The following C12orf42 variants were observed in gnomAD, a reference collection of about 807,000 sequenced individuals.
The protein encoded by C12orf42 is chromosome 12 open reading frame 42.
In C12orf42, 25 loss-of-function variants were observed where a neutral mutation model predicts 21.6. That is an observed-to-expected ratio of 1.16 (90% CI 0.84 to 1.62). The LOEUF (loss-of-function observed/expected upper bound fraction) is 1.62, where lower values mean the gene tolerates loss of function less well. Among genes scored for constraint, C12orf42 ranks in the 40% most tolerant of loss-of-function variants. C12orf42 has a pLI of 0.00. For synonymous variants in C12orf42, 174 were observed against 175.0 expected, an observed-to-expected ratio of 0.99 and a Z score of 0.05; for missense variants, 483 against 459.3, an observed-to-expected ratio of 1.05 and a Z score of -0.47.
intron 2 of C12orf42, among the ~76,000 whole-genome samples, chr12:103,403,756 C>T (rs1032799073): frequency 6.6e-6 from 1 of 152,246 alleles, no homozygotes; most frequent in Non-Finnish European, 1.5e-5. Flanking sequence ...TCTCCATGGA[C>T]TTCCTGCCAC....
intron 3 of C12orf42, among the ~76,000 whole-genome samples, chr12:103,379,265 G>A (rs914124751): frequency 1.3e-5 from 2 of 152,138 alleles, no homozygotes; most frequent in Non-Finnish European, 2.9e-5. Context: ...CTTTACAAGA[G>A]CATAAATAAA....
intron 4 of C12orf42, among the ~76,000 whole-genome samples, chr12:103,321,245 C>G (rs2040069253): frequency 6.6e-6 from 1 of 151,232 alleles, no homozygotes; most frequent in Non-Finnish European, 1.5e-5. Flanking sequence ...ATTTATGCAG[C>G]CAAAAAACAC....
chr12:103,167,057 T>C, the C12orf42 span, among the ~76,000 whole-genome samples: 1 of 152,192 alleles, frequency 6.6e-6, no homozygotes, highest in African/African-American at 2.4e-5. Context: ...CTCTTCTCAC[T>C]AGTGTGTATG....
At chr12:103,269,241 G>A (rs2035320541) in intron 6 of C12orf42, among the ~76,000 whole-genome samples, 1 of 152,062 alleles carries the variant, frequency 6.6e-6, no homozygotes, top group Non-Finnish European at 1.5e-5. Flanking sequence ...TTAAAAATTA[G>A]AGTTTAGAGG....
At chr12:103,140,430 C>T in the C12orf42 span, among the ~76,000 whole-genome samples, 1 of 152,116 alleles carries the variant, frequency 6.6e-6, no homozygotes, top group African/African-American at 2.4e-5. Flanking sequence ...CTTTGAATTC[C>T]TTTGTTGTGG....
chr12:103,097,381 T>C, the C12orf42 span, among the ~76,000 whole-genome samples: 2 of 152,252 alleles, frequency 1.3e-5, no homozygotes, highest in Non-Finnish European at 2.9e-5. Context: ...GCATTCTTTA[T>C]GTAGTGCATG....
At chr12:103,525,815 G>T in the C12orf42 span, among the ~76,000 whole-genome samples, 1 of 152,086 alleles carries the variant, frequency 6.6e-6, no homozygotes, top group Non-Finnish European at 1.5e-5. Context: ...GAATCACAAG[G>T]TCAGGAATTC....
chr12:103,100,983 G>A, the C12orf42 span, among the ~76,000 whole-genome samples: 1 of 152,210 alleles, frequency 6.6e-6, no homozygotes, highest in Non-Finnish European at 1.5e-5. Context: ...GGTGGAAAGA[G>A]TGAGAGACTT....
chr12:103,337,678 C>A lies in C12orf42; in HGVS notation c.259+31209G>T, dbSNP rs75820086. On this transcript the variant is annotated intron_variant, in intron 4 of 5. Transcript: ENST00000548883. ...AGGGGTTTTAATATTTGACATGGAC[C>A]ATATCCCTCTAGGTGGGTATCCTTT... Among the ~76,000 whole-genome samples the A allele has an allele frequency of 3.3e-3, 506 of 152,190 alleles. 3 individuals are homozygous for A. The highest frequency in any genetic ancestry group is 0.012 in the African/African-American group (479 of 41,518).
chr12:103,095,519 T>C, the C12orf42 span, among the ~76,000 whole-genome samples: 1 of 152,162 alleles, frequency 6.6e-6, no homozygotes. Context: ...GCCTACATGT[T>C]ACCTTTTCAA....
chr12:103,155,934 A>C, the C12orf42 span, among the ~76,000 whole-genome samples: 1 of 151,404 alleles, frequency 6.6e-6, no homozygotes, highest in South Asian at 2.1e-4. Context: ...ATTCTTCTAC[A>C]TCTTACATTT....
At chr12:103,157,013 TG>T in the C12orf42 span, among the ~76,000 whole-genome samples, 1 of 152,230 alleles carries the variant, frequency 6.6e-6, no homozygotes, top group Admixed American at 6.5e-5. Context: ...CTGGGTCAAA[TG>T]GTACTTCTGG....
At chr12:103,264,477 C>T (rs1180477092), downstream of C12orf42, among the ~76,000 whole-genome samples, 3 of 152,116 alleles carry the variant, frequency 2.0e-5, no homozygotes, top group Non-Finnish European at 2.9e-5. Flanking sequence ...TGGACCTTGG[C>T]ATCTGCAGTG....
At chr12:103,051,595 A>G in the C12orf42 span, among the ~76,000 whole-genome samples, 1 of 152,194 alleles carries the variant, frequency 6.6e-6, no homozygotes, top group Admixed American at 6.5e-5. Context: ...GAGAGCAGCC[A>G]AAACCAATTA....
At chr12:103,409,962 T>C (rs192384904) in intron 2 of C12orf42, among the ~76,000 whole-genome samples, 2 of 152,340 alleles carry the variant, frequency 1.3e-5, no homozygotes, top group Admixed American at 1.3e-4. Context: ...GAATGTCTAA[T>C]TGCAAATGAG....
At chr12:103,440,476 A>AAG (rs1555201288) in intron 2 of C12orf42, among the ~76,000 whole-genome samples, 5 of 146,830 alleles carry the variant, frequency 3.4e-5, no homozygotes, top group Admixed American at 6.8e-5. Context: ...AAAAAAAAAA[A>AAG]AAAGAAACTC....
the C12orf42 span, among the ~76,000 whole-genome samples, chr12:103,512,126 A>T: frequency 6.6e-6 from 1 of 152,198 alleles, no homozygotes; most frequent in East Asian, 1.9e-4. Flanking sequence ...CGGTAAATTA[A>T]ATTCTCACCT....
At chr12:103,105,304 T>A in the C12orf42 span, among the ~76,000 whole-genome samples, 1 of 152,166 alleles carries the variant, frequency 6.6e-6, no homozygotes. Flanking sequence ...CCAAAGGAGA[T>A]AATAAAATTG....
the C12orf42 span, among the ~76,000 whole-genome samples, chr12:103,088,678 A>G: frequency 1.1e-4 from 16 of 152,306 alleles, no homozygotes; most frequent in East Asian, 2.5e-3. Flanking sequence ...AGCAATGATA[A>G]AGTGTGACCT....
Sources: allele counts gnomAD v4.1 joint callset (sites outside exome capture counted in the v4.1 genomes callset), GRCh38; gene constraint gnomAD v4.1.1; transcripts MANE v1.5; gene names NCBI Gene and HGNC (gene_info 2026-07-23, HGNC 2026-07-21).